The following ATP7A variants were observed in gnomAD, a reference collection of about 807,000 sequenced individuals.
The protein encoded by ATP7A is copper-transporting ATPase 1.
Under a neutral mutation model 83.5 loss-of-function variants are expected in ATP7A, and 7 were observed. The ratio of observed to expected loss-of-function variants is 0.08; its 90% confidence interval spans 0.05 to 0.16. The LOEUF (loss-of-function observed/expected upper bound fraction) is 0.16, where lower values mean the gene tolerates loss of function less well. ATP7A is among the 10% of genes least tolerant of loss of function. ATP7A has a pLI of 1.00. For missense variants in ATP7A, 940 were observed against 1,120.8 expected, an observed-to-expected ratio of 0.84 and a Z score of 2.30; for synonymous variants, 354 against 395.2, an observed-to-expected ratio of 0.90 and a Z score of 1.24.
At chrX:78,007,849 T>A (rs781963235) in intron 6 of ATP7A, among the ~76,000 whole-genome samples, 2 of 112,134 alleles carry the variant, frequency 1.8e-5, no homozygotes, top group Non-Finnish European at 3.8e-5. Context: ...GACGTTTTGA[T>A]ACAGGCATGC....
At chrX:77,952,789 C>CTT (rs782435802) in intron 1 of ATP7A, among the ~76,000 whole-genome samples, 142 of 98,733 alleles carry the variant, frequency 1.4e-3, no homozygotes, top group African/African-American at 4.9e-3. Context: ...TTTCTTTTTC[C>CTT]TTTTTTTTTT....
chrX:77,983,545 CATT>C (rs2077616372), intron 2 of ATP7A, among the ~76,000 whole-genome samples: 1 of 112,150 alleles, frequency 8.9e-6, no homozygotes, highest in Admixed American at 9.5e-5. Flanking sequence ...TCTACACCAC[CATT>C]AATACTATGA....
Position 78,033,785 on chromosome X carries a change from A to G in ATP7A, c.3475A>G (p.Thr1159Ala), listed in dbSNP as rs138154934. ...QIDASNEQSS[T>A]SSSMIIDAQI... is the part of the protein sequence containing the mutation. Reference sequence around the variant, plus strand: ...TGATGCCAGTAATGAACAGTCATCAACTTCGTCTTCCATGATTATTGATGC... The same window carrying G: ...TGATGCCAGTAATGAACAGTCATCAGCTTCGTCTTCCATGATTATTGATGC... The change falls in exon 17 of 23, where the codon ACT (threonine) becomes GCT (alanine). Residue 1159 changes from threonine (T) to alanine (A), a missense_variant. By Grantham distance (58) the Thr-to-Ala change is moderately conservative. This residue lies in a region of ATP7A where 386 missense variants were observed against 502.2 expected (regional missense o/e 0.77). Transcript: ENST00000341514. 7.9e-5 allele frequency: 95 copies of G among 1,209,242 alleles called. 2 individuals carry two copies. Among genetic ancestry groups the G allele is most frequent in the Non-Finnish European group, 1.9e-5 (17 of 894,976 alleles).
rs974107017 is a variant in ATP7A at position 77,948,105 on chromosome X, A to G, written c.-21-23516A>G. Reference sequence around the variant, plus strand: ...TATTTATTTATTTATTTATTTATTCATTCATTCATTCATTCATTCGTTCAT... The same window carrying G: ...TATTTATTTATTTATTTATTTATTCGTTCATTCATTCATTCATTCGTTCAT... On this transcript the variant is annotated intron_variant, in intron 1 of 22. Coordinates refer to ENST00000341514, the MANE Select transcript of ATP7A (RefSeq NM_000052.7). Among the ~76,000 whole-genome samples, 7 of 66,508 alleles carry G rather than the reference A, an allele frequency of 1.1e-4. No individual in the cohort carries two copies. The East Asian group carries it at 3.3e-3, about 31-fold the overall frequency. The allele number at this position is 66,508 out of a possible 115,157, so 57.8% of individuals were successfully genotyped here.
chrX:78,048,089 C>G lies in ATP7A; in HGVS notation c.*1519C>G, dbSNP rs2078093214. The G allele has an allele frequency of 8.9e-6, 1 of 112,005 alleles. No homozygotes were observed. Among genetic ancestry groups the G allele is most frequent in the South Asian group, 3.7e-4 (1 of 2,728 alleles). 9.2% of individuals were successfully genotyped at this position (112,005 alleles called of 1,213,427 possible). On this transcript the variant is annotated 3_prime_UTR_variant, in exon 23 of 23. Transcript: ENST00000341514. ...TTTTTAGCTAAATATATACTCTTCT[C>G]TAGTTTAAAACATTTGAACTTGCCT...
In ATP7A at chrX:77,988,296, C is replaced by A; in HGVS notation, c.175C>A (p.Pro59Thr). The A allele has an allele frequency of 8.3e-7, 1 of 1,201,789 alleles. No homozygotes were observed. Among genetic ancestry groups the A allele is most frequent in the East Asian group, 3.0e-5 (1 of 33,778 alleles). ...TATTTATGACCCTAAACTACAGACT[C>A]CAAAGACCCTACAGGAAGCTATTGA... ...TIIYDPKLQTPKTLQEAIDDM... is the reference protein window; with the variant it reads ...TIIYDPKLQTTKTLQEAIDDM... Residue 59 changes from proline (P) to threonine (T), a missense_variant, in exon 3 of 23, where the codon CCA becomes ACA. Coordinates refer to ENST00000341514, the MANE Select transcript of ATP7A (RefSeq NM_000052.7).
chrX:77,932,303 G>A (rs1201414178), intron 1 of ATP7A, among the ~76,000 whole-genome samples: 1 of 108,199 alleles, frequency 9.2e-6, no homozygotes, highest in Non-Finnish European at 1.9e-5. Flanking sequence ...CATCTCAGAC[G>A]ATGGGCGGCC....
intron 4 of ATP7A, among the ~76,000 whole-genome samples, chrX:77,993,760 A>G (rs1405913108): frequency 2.7e-5 from 3 of 111,636 alleles, no homozygotes; most frequent in Non-Finnish European, 5.6e-5. Context: ...ATATATAAAT[A>G]CAAATATAAA....
intron 12 of ATP7A, among the ~76,000 whole-genome samples, chrX:78,017,736 A>G (rs955153257): frequency 1.9e-5 from 2 of 106,262 alleles, no homozygotes; most frequent in Admixed American, 1.0e-4. Context: ...AGGGTGGGGG[A>G]AAAATGCCAT....
intron 1 of ATP7A, among the ~76,000 whole-genome samples, chrX:77,932,337 T>C (rs1387098487): frequency 4.1e-5 from 4 of 96,444 alleles, no homozygotes; most frequent in East Asian, 3.5e-4. Flanking sequence ...CCTCACTTCC[T>C]AGATGGGATG....
In ATP7A at chrX:78,012,963, G is replaced by A; in HGVS notation, c.2257G>A (p.Ala753Thr). The A allele has an allele frequency of 8.3e-7, 1 of 1,211,258 alleles. No homozygotes were observed. The highest frequency in any genetic ancestry group is 1.1e-6 in the Non-Finnish European group (1 of 895,199). The change falls in exon 10 of 23, where the codon GCA becomes ACA. Residue 753 changes from alanine (A) to threonine (T), a missense_variant. This residue lies in a region of ATP7A where 204 missense variants were observed against 185.8 expected (regional missense o/e 1.10). Coordinates refer to ENST00000341514, the MANE Select transcript of ATP7A (RefSeq NM_000052.7). ...AAATATGGACGTACTGATTGTGCTGGCAACCACCATTGCATTTGCCTACTC... is the reference window on the plus strand; with the variant it reads ...AAATATGGACGTACTGATTGTGCTGACAACCACCATTGCATTTGCCTACTC... Reference protein sequence around the residue: ...TANMDVLIVLATTIAFAYSLI... With the variant: ...TANMDVLIVLTTTIAFAYSLI...
intron 8 of ATP7A, 58 bp downstream of exon 8, chrX:78,011,310 T>G: frequency 8.9e-7 from 1 of 1,118,761 alleles, no homozygotes; most frequent in Non-Finnish European, 1.2e-6. Flanking sequence ...ACAAATTTTT[T>G]TTTGCATGTC....
chrX:77,944,995 C>T (rs781813788), intron 1 of ATP7A, among the ~76,000 whole-genome samples: 63 of 109,474 alleles, frequency 5.8e-4, no homozygotes, highest in African/African-American at 2.0e-3. Flanking sequence ...GGATTACAGG[C>T]GCCTGCCACC....
rs782724653 is a variant in ATP7A at position 77,990,184 on chromosome X, A to G, written c.1336+226A>G. Among the ~76,000 whole-genome samples the G allele has an allele frequency of 8.9e-5, 10 of 112,223 alleles. No individual in the cohort carries two copies. In the East Asian group the frequency reaches 2.8e-3, roughly 31 times the overall value. On this transcript the variant is annotated intron_variant, in intron 4 of 22. Coordinates refer to ENST00000341514, the MANE Select transcript of ATP7A (RefSeq NM_000052.7). ...ACAATAACTCGTGGTGCAACAATAA[A>G]TAACTCATGATGAAATGCTATGAAG...
At chrX:77,996,176 A>G (rs2077703924) in intron 4 of ATP7A, among the ~76,000 whole-genome samples, 1 of 112,415 alleles carries the variant, frequency 8.9e-6, no homozygotes, top group African/African-American at 3.2e-5. Context: ...CTCTTAATAG[A>G]TAGATATACA....
intron 5 of ATP7A, among the ~76,000 whole-genome samples, chrX:78,000,846 G>A (rs1424731858): frequency 9.2e-6 from 1 of 109,148 alleles, no homozygotes; most frequent in Non-Finnish European, 1.9e-5. Flanking sequence ...TGTATTTTTA[G>A]TAGAGACAGA....
intron 1 of ATP7A, among the ~76,000 whole-genome samples, chrX:77,917,685 A>G (rs1175052192): frequency 8.9e-6 from 1 of 112,425 alleles, no homozygotes; most frequent in Non-Finnish European, 1.9e-5. Flanking sequence ...GTTTAATGGT[A>G]GTGTGTTTTC....
In ATP7A at chrX:77,947,804, AT is replaced by A. The variant is rs2077389894; in HGVS notation, c.-21-23816del. 7.8e-5 allele frequency among the ~76,000 whole-genome samples: 7 copies of A among 89,935 alleles called. No individual in the cohort carries two copies. The South Asian group carries it at 3.9e-3, about 50-fold the overall frequency. 78.1% of individuals were successfully genotyped at this position (89,935 alleles called of 115,157 possible). A position where few individuals can be genotyped will look rare whatever the true frequency, so the allele number is the denominator to read the frequency against. On this transcript the variant is annotated intron_variant, in intron 1 of 22. Coordinates refer to ENST00000341514, the MANE Select transcript of ATP7A (RefSeq NM_000052.7). ...GCCCAAGCTGGAGTGCAATGGTGCG[AT>A]CTCAGCTCACTGCAACCTCTGTCTC...
chrX:77,947,901 A>C (rs2077390467), intron 1 of ATP7A, among the ~76,000 whole-genome samples: 1 of 105,296 alleles, frequency 9.5e-6, no homozygotes, highest in African/African-American at 3.5e-5. Context: ...CACCACACCC[A>C]GCTAATTTTT....
Sources: allele counts gnomAD v4.1 joint callset (sites outside exome capture counted in the v4.1 genomes callset), GRCh38; gene constraint gnomAD v4.1.1; regional missense constraint gnomAD v4.1.1; transcripts MANE v1.5; gene names NCBI Gene and HGNC (gene_info 2026-07-23, HGNC 2026-07-21).